KAZN: variants seen among roughly 807,000 people sequenced by gnomAD.
KAZN encodes kazrin.
KAZN carries 40 observed loss-of-function variants against 87.4 expected under a neutral mutation model. The ratio of observed to expected loss-of-function variants is 0.46; its 90% CI spans 0.36 to 0.60. The LOEUF is 0.60. KAZN is among the 20% of genes least tolerant of loss of function. The pLI is 0.00. For missense variants in KAZN, 898 were observed against 1,073.9 expected (o/e 0.84, Z 2.29); for synonymous variants, 466 against 458.3 (o/e 1.02, Z -0.22).
chr1:14,823,501 G>A (rs904457670), intron 1 of KAZN, among the ~76,000 whole-genome samples: 1 of 152,132 alleles, frequency 6.6e-6, no homozygotes, highest in African/African-American at 2.4e-5. Context: ...AATTTGGGGG[G>A]TCGCTTTGGT....
intron 2 of KAZN, among the ~76,000 whole-genome samples, chr1:14,480,641 TTATAA>T (rs1240246233): frequency 2.8e-5 from 4 of 143,448 alleles, no homozygotes; most frequent in Admixed American, 7.1e-5. Flanking sequence ...ATATTATGTA[TTATAA>T]TATATAATAT....
chr1:14,559,883 G>A (rs932758928), intron 2 of KAZN, among the ~76,000 whole-genome samples: 13 of 152,212 alleles, frequency 8.5e-5, no homozygotes, highest in African/African-American at 2.7e-4. Flanking sequence ...AGAATTGGAG[G>A]AGAGCAAGTG....
At chr1:14,785,089 C>A (rs532349230) in intron 1 of KAZN, among the ~76,000 whole-genome samples, 2 of 150,920 alleles carry the variant, frequency 1.3e-5, no homozygotes, top group African/African-American at 4.9e-5. Flanking sequence ...TAAGGAGTGG[C>A]GTGGACCCTA....
Position 14,380,290 on chromosome 1 carries a change from C to A in KAZN, c.249+199698C>A, listed in dbSNP as rs182972612. Among the ~76,000 whole-genome samples the A allele has an allele frequency of 1.2e-4, 18 of 152,224 alleles. No individual in the cohort carries two copies. The East Asian group carries it at 3.5e-3, about 29-fold the overall frequency. On this transcript the variant is annotated intron_variant, in intron 2 of 16. Transcript: ENST00000636203. ...CAGATAGAGAAGACTACAATAAATA[C>A]CTAACTCTTCAATACCCAGACAAAA...
chr1:14,205,902 A>AAAAAAAAAAAAAAAAAC (rs1347848492), intron 2 of KAZN, among the ~76,000 whole-genome samples: 1 of 56,556 alleles, frequency 1.8e-5, no homozygotes, highest in East Asian at 5.0e-4. Flanking sequence ...AAAAAAAAAA[A>AAAAAAAAAAAAAAAAAC]AAAAGCTACC....
At chr1:15,049,430 T>G (rs139864479) in intron 4 of KAZN, among the ~76,000 whole-genome samples, 1 of 152,196 alleles carries the variant, frequency 6.6e-6, no homozygotes, top group African/African-American at 2.4e-5. Flanking sequence ...GTAGGGTGTG[T>G]GGCAGCTTCC....
At chr1:14,573,424 A>G (rs1189905025) in intron 2 of KAZN, among the ~76,000 whole-genome samples, 1 of 152,154 alleles carries the variant, frequency 6.6e-6, no homozygotes, top group Non-Finnish European at 1.5e-5. Flanking sequence ...CGAGGCGGGC[A>G]GATCACAAGG....
intron 1 of KAZN, among the ~76,000 whole-genome samples, chr1:14,786,250 G>A (rs771349218): frequency 6.6e-6 from 1 of 152,084 alleles, no homozygotes; most frequent in Non-Finnish European, 1.5e-5. Flanking sequence ...TGCAGTACTG[G>A]CTACTAATTA....
chr1:15,065,495 G>A (rs111620213), intron 7 of KAZN, 135 bp from the exon 8 acceptor site: 70 of 766,114 alleles, frequency 9.1e-5, no homozygotes, highest in South Asian at 4.4e-4. Flanking sequence ...ATCCCAGCCC[G>A]TCCCTGACCC....
chr1:13,944,796 CAA>C (rs201364876), intron 1 of KAZN, among the ~76,000 whole-genome samples: 5,151 of 151,712 alleles, frequency 0.034, 366 homozygotes, highest in East Asian at 0.32. Flanking sequence ...AAAAATAAGA[CAA>C]GAAAAGATAA....
intron 1 of KAZN, chr1:14,924,345 C>T (rs1469410302): frequency 1.1e-5 from 11 of 987,912 alleles, no homozygotes; most frequent in African/African-American, 1.8e-5. Flanking sequence ...CCGCTGGTAG[C>T]GTCCCCCCGG....
chr1:14,210,254 T>C (rs1380674898), intron 2 of KAZN, among the ~76,000 whole-genome samples: 1 of 152,190 alleles, frequency 6.6e-6, no homozygotes, highest in East Asian at 1.9e-4. Flanking sequence ...TAAAGGCCAG[T>C]TCCCCTGCAC....
intron 2 of KAZN, among the ~76,000 whole-genome samples, chr1:14,211,064 C>A (rs998639648): frequency 1.3e-5 from 2 of 152,060 alleles, no homozygotes; most frequent in Non-Finnish European, 2.9e-5. Context: ...CAGGAGTTCC[C>A]ATGTAACACT....
At chr1:14,231,529 C>G (rs1647850504) in intron 2 of KAZN, among the ~76,000 whole-genome samples, 1 of 152,164 alleles carries the variant, frequency 6.6e-6, no homozygotes, top group Non-Finnish European at 1.5e-5. Flanking sequence ...ATGACAGAAT[C>G]AAAAATCCTG....
chr1:14,538,421 T>C (rs1336718127), intron 2 of KAZN, among the ~76,000 whole-genome samples: 1 of 152,216 alleles, frequency 6.6e-6, no homozygotes, highest in Non-Finnish European at 1.5e-5. Context: ...AGAATAGAAA[T>C]GTATTTTCTT....
chr1:14,867,478 T>G (rs1417194851), intron 1 of KAZN, among the ~76,000 whole-genome samples: 5 of 152,174 alleles, frequency 3.3e-5, no homozygotes, highest in Non-Finnish European at 7.4e-5. Flanking sequence ...ATCCTCCAGC[T>G]GGGCTCCAGG....
chr1:14,102,690 C>T (rs61670736), intron 1 of KAZN, among the ~76,000 whole-genome samples: 18,565 of 152,012 alleles, frequency 0.12, 2,214 homozygotes, highest in East Asian at 0.54. Flanking sequence ...CGTGCATCCC[C>T]GTGTATTAGC....
chr1:14,003,371 A>G (rs1482650519), intron 1 of KAZN, among the ~76,000 whole-genome samples: 1 of 151,976 alleles, frequency 6.6e-6, no homozygotes, highest in African/African-American at 2.4e-5. Flanking sequence ...TGAACCTAAA[A>G]TGTATGTGGA....
At chr1:14,944,120 A>G (rs1174528717) in intron 1 of KAZN, among the ~76,000 whole-genome samples, 2 of 150,754 alleles carry the variant, frequency 1.3e-5, no homozygotes, top group Non-Finnish European at 3.0e-5. Context: ...TGCAGCTTCT[A>G]TGTCAGGGTC....
Sources: gnomAD v4.1 joint callset for allele counts (sites outside exome capture counted in the v4.1 genomes callset) on GRCh38, gnomAD v4.1.1 for gene constraint, MANE v1.5 for transcripts, NCBI Gene and HGNC (gene_info 2026-07-23, HGNC 2026-07-21) for gene names.